Variants in ANKRD30B observed in about 807,000 individuals in gnomAD.
ANKRD30B encodes the protein ankyrin repeat domain 30B.
A neutral mutation model predicts 202.2 loss-of-function variants in ANKRD30B; 144 were observed. The observed-to-expected ratio is 0.71, with a 90% CI of 0.62 to 0.82. The LOEUF is 0.82. Among genes scored for constraint, ANKRD30B ranks in the 40% least tolerant of loss-of-function variants. The pLI is 0.00. For missense variants in ANKRD30B, 1,487 were observed against 1,669.1 expected, an observed-to-expected ratio of 0.89 and a Z score of 1.90; for synonymous variants, 508 against 561.3, an observed-to-expected ratio of 0.91 and a Z score of 1.34.
chr18:14,917,925 G>A, the ANKRD30B span, among the ~76,000 whole-genome samples: 2 of 152,188 alleles, frequency 1.3e-5, no homozygotes, highest in African/African-American at 2.4e-5. Flanking sequence ...CTTGTAAAAA[G>A]AAAGCCAGAT....
chr18:14,828,156 C>T (rs1453310380), intron 32 of ANKRD30B, 122 bp from the exon 33 acceptor site: 7 of 717,210 alleles, frequency 9.8e-6, no homozygotes, highest in African/African-American at 9.1e-5. Context: ...GATCCTCCTG[C>T]CTCACCTTCC....
intron 30 of ANKRD30B, among the ~76,000 whole-genome samples, chr18:14,821,886 T>A (rs1970442215): frequency 6.6e-6 from 1 of 152,206 alleles, no homozygotes; most frequent in South Asian, 2.1e-4. Context: ...CAAAAATAAA[T>A]ATATTTATAA....
the ANKRD30B span, among the ~76,000 whole-genome samples, chr18:14,900,568 C>G: frequency 8.7e-3 from 1,323 of 152,252 alleles, 8 homozygotes; most frequent in Middle Eastern, 0.02. Context: ...ACTTACTGAG[C>G]AAAGACTTTT....
At chr18:14,764,883 C>T (rs1168086078) in intron 7 of ANKRD30B, among the ~76,000 whole-genome samples, 1 of 152,084 alleles carries the variant, frequency 6.6e-6, no homozygotes, top group Admixed American at 6.6e-5. Context: ...AAGCCAGTCA[C>T]TAGGAAAGCA....
chr18:14,872,683 G>A, the ANKRD30B span, among the ~76,000 whole-genome samples: 1 of 152,058 alleles, frequency 6.6e-6, no homozygotes, highest in Non-Finnish European at 1.5e-5. Context: ...GTCTTATACA[G>A]GTGACCTATT....
chr18:14,817,767 T>C (rs1175556932), intron 30 of ANKRD30B, among the ~76,000 whole-genome samples: 1 of 152,200 alleles, frequency 6.6e-6, no homozygotes, highest in Non-Finnish European at 1.5e-5. Context: ...TCTTCAGTGC[T>C]TCAGAAGTAA....
At chr18:14,764,792 T>C (rs1183640910) in intron 7 of ANKRD30B, among the ~76,000 whole-genome samples, 1 of 152,176 alleles carries the variant, frequency 6.6e-6, no homozygotes, top group African/African-American at 2.4e-5. Context: ...ATTTTTCTTT[T>C]AAATAGAGAG....
At chr18:14,899,250 C>T in the ANKRD30B span, among the ~76,000 whole-genome samples, 1 of 151,904 alleles carries the variant, frequency 6.6e-6, no homozygotes, top group South Asian at 2.1e-4. Context: ...GATGAATGTT[C>T]TTCATTTTCT....
At chr18:14,909,341 G>A in the ANKRD30B span, among the ~76,000 whole-genome samples, 1 of 152,190 alleles carries the variant, frequency 6.6e-6, no homozygotes, top group Non-Finnish European at 1.5e-5. Context: ...TCGGACACTT[G>A]CAGCATACCT....
At chr18:14,902,798 T>C in the ANKRD30B span, among the ~76,000 whole-genome samples, 2 of 152,190 alleles carry the variant, frequency 1.3e-5, no homozygotes, top group Non-Finnish European at 2.9e-5. Context: ...CTTGGGTAAG[T>C]AATACAGCAT....
intron 32 of ANKRD30B, among the ~76,000 whole-genome samples, chr18:14,826,082 A>G (rs939502492): frequency 3.9e-5 from 6 of 152,056 alleles, no homozygotes; most frequent in African/African-American, 1.5e-4. Flanking sequence ...AGCTGGAGAT[A>G]GAACTCTGGT....
chr18:14,852,887 A>G, intron 42 of ANKRD30B: 1 of 152,316 alleles, frequency 6.6e-6, no homozygotes, highest in East Asian at 1.9e-4. Flanking sequence ...ACATTTCTGC[A>G]TCTTGTAATA....
chr18:14,865,616 G>C, the ANKRD30B span, among the ~76,000 whole-genome samples: 4 of 145,208 alleles, frequency 2.8e-5, no homozygotes, highest in Admixed American at 1.4e-4. Flanking sequence ...TCTACCCCCA[G>C]TTTTTTTTTT....
the ANKRD30B span, among the ~76,000 whole-genome samples, chr18:14,920,798 T>C: frequency 6.6e-6 from 1 of 152,198 alleles, no homozygotes; most frequent in Non-Finnish European, 1.5e-5. Context: ...GGGCCTATCT[T>C]GTGGGTGCTT....
rs1233673179 is a variant in ANKRD30B, at chr18:14,840,694, T to G, written c.3079+16T>G. 7.4e-7 allele frequency: 1 copy of G among 1,352,258 alleles called. No homozygotes were observed. The highest frequency in any genetic ancestry group is 1.5e-5 in the African/African-American group (1 of 67,726). The allele number at this position is 1,352,258 out of a possible 1,614,324, so 83.8% of individuals were successfully genotyped here. On this transcript the variant is annotated intron_variant, in intron 37 of 43. Transcript: ENST00000690538. ...AAAATAGAAGGTAAGAACCATTTTT[T>G]ATTTAAAACATCTTTTGTCCAAATG...
intron 7 of ANKRD30B, among the ~76,000 whole-genome samples, chr18:14,765,400 C>A (rs1882955685): frequency 6.6e-6 from 1 of 150,798 alleles, no homozygotes; most frequent in South Asian, 2.1e-4. Context: ...GAGGCGGAGG[C>A]TACAGTGAGC....
chr18:14,782,813 T>C (rs1598611082), intron 12 of ANKRD30B, among the ~76,000 whole-genome samples, 199 bp downstream of exon 12: 2 of 152,190 alleles, frequency 1.3e-5, no homozygotes, highest in East Asian at 3.9e-4. Flanking sequence ...AAAACCGAAT[T>C]ATTTGTTTGA....
intron 33 of ANKRD30B, among the ~76,000 whole-genome samples, chr18:14,830,508 C>G (rs1209037830): frequency 6.6e-6 from 1 of 152,100 alleles, no homozygotes; most frequent in Non-Finnish European, 1.5e-5. Flanking sequence ...TTTCAGGGCA[C>G]TCTCTTGTAG....
chr18:14,796,886 A>G (rs1211104414), intron 18 of ANKRD30B, among the ~76,000 whole-genome samples: 5 of 152,186 alleles, frequency 3.3e-5, no homozygotes, highest in Non-Finnish European at 5.9e-5. Context: ...GGATGAAGTA[A>G]TTCTGTAACT....
Sources: allele counts gnomAD v4.1 joint callset (sites outside exome capture counted in the v4.1 genomes callset), GRCh38; gene constraint gnomAD v4.1.1; transcripts MANE v1.5; gene names NCBI Gene and HGNC (gene_info 2026-07-23, HGNC 2026-07-21).